The following APBA2 variants were observed in gnomAD, a reference collection of about 807,000 sequenced individuals.
The protein encoded by APBA2 is amyloid-beta A4 precursor protein-binding family A member 2.
Under a neutral mutation model 75.0 loss-of-function variants are expected in APBA2, and 30 were observed. The ratio of observed to expected loss-of-function variants is 0.40; its 90% CI spans 0.30 to 0.54. APBA2 has a LOEUF of 0.54. Ranked by LOEUF, APBA2 falls within the 20% of genes least tolerant of loss-of-function variation. APBA2 has a pLI of 0.49. For synonymous variants in APBA2, 444 were observed against 409.6 expected, an observed-to-expected ratio of 1.08 and a Z score of -1.01; for missense variants, 801 against 1,016.1, an observed-to-expected ratio of 0.79 and a Z score of 2.88.
chr15:29,014,162 T>G (rs945968585), intron 3 of APBA2, among the ~76,000 whole-genome samples: 2 of 152,232 alleles, frequency 1.3e-5, no homozygotes, highest in Non-Finnish European at 2.9e-5. Context: ...GCCTGCTTAT[T>G]GTGCTCATGC....
At chr15:28,964,973 G>A (rs1296487468) in intron 2 of APBA2, among the ~76,000 whole-genome samples, 2 of 151,818 alleles carry the variant, frequency 1.3e-5, no homozygotes, top group African/African-American at 4.8e-5. Context: ...ATTTTGAGGA[G>A]GTCAAAGTTT....
chr15:29,046,601 G>A lies in APBA2; in HGVS notation c.-40-7244G>A, dbSNP rs1374285643. On this transcript the variant is annotated intron_variant, in intron 3 of 14. Transcript: ENST00000683413. This position sits in a 1 kb window ranked among gnomAD's most constrained non-coding sequence, Gnocchi z 5.0. ...GGCAGAGTTTTCAAGTGCAGTCTTTGGACCTCCAACATGAGAACCACCTGC... is the reference window on the plus strand; with the variant it reads ...GGCAGAGTTTTCAAGTGCAGTCTTTAGACCTCCAACATGAGAACCACCTGC... 6.6e-6 allele frequency among the ~76,000 whole-genome samples: 1 copy of A among 152,214 alleles called. No homozygotes were observed. Among genetic ancestry groups the A allele is most frequent in the Non-Finnish European group, 1.5e-5 (1 of 68,038 alleles).
At chr15:29,106,953 CG>C (rs2044446780) in intron 12 of APBA2, 134 bp downstream of exon 12, 1 of 785,908 alleles carries the variant, frequency 1.3e-6, no homozygotes, top group Middle Eastern at 2.4e-4. Flanking sequence ...GAGACCCACC[CG>C]GTGACTGGTC....
chr15:28,996,081 G>A (rs565155916), intron 3 of APBA2, among the ~76,000 whole-genome samples: 16 of 152,180 alleles, frequency 1.1e-4, no homozygotes, highest in Admixed American at 8.5e-4. Context: ...AGCAAGACAC[G>A]CACTCCCCAT....
At chr15:28,904,674 G>A (rs1238007629) in intron 1 of APBA2, among the ~76,000 whole-genome samples, 5 of 152,110 alleles carry the variant, frequency 3.3e-5, no homozygotes, top group Admixed American at 3.3e-4. Flanking sequence ...GGCTCCCCTC[G>A]TTATCTGCAG....
At chr15:28,890,360 C>T (rs997582433) in intron 1 of APBA2, among the ~76,000 whole-genome samples, 2 of 152,236 alleles carry the variant, frequency 1.3e-5, no homozygotes, top group Admixed American at 1.3e-4. Context: ...CTGCCAAAGT[C>T]AGCTCTGTGT....
At chr15:28,943,923 T>A (rs1316352288) in intron 2 of APBA2, among the ~76,000 whole-genome samples, 1 of 152,114 alleles carries the variant, frequency 6.6e-6, no homozygotes, top group Non-Finnish European at 1.5e-5. Context: ...TTGGGGAGGC[T>A]GGGGTGGCCG....
chr15:29,064,269 C>G (rs529513871), intron 4 of APBA2, among the ~76,000 whole-genome samples: 1 of 152,152 alleles, frequency 6.6e-6, no homozygotes, highest in South Asian at 2.1e-4. Flanking sequence ...GTTTCCACCC[C>G]GAATTCACAC....
At chr15:28,930,305 G>A (rs1319181998) in intron 2 of APBA2, among the ~76,000 whole-genome samples, 1 of 151,776 alleles carries the variant, frequency 6.6e-6, no homozygotes, top group Admixed American at 6.6e-5. Flanking sequence ...AGCTCTCCAC[G>A]ATGGGAGCAG....
chr15:29,039,346 C>CG (rs1401446491), intron 3 of APBA2, among the ~76,000 whole-genome samples: 1 of 151,924 alleles, frequency 6.6e-6, no homozygotes, highest in African/African-American at 2.4e-5. Context: ...CCCTTAACAG[C>CG]GTAACTCTCT....
At chr15:29,095,411 C>T (rs1339851168) in intron 8 of APBA2, among the ~76,000 whole-genome samples, 1 of 143,628 alleles carries the variant, frequency 7.0e-6, no homozygotes, top group Admixed American at 7.2e-5. Context: ...GCCTGGGCAA[C>T]ACGAGCGAAA....
chr15:29,090,912 A>G (rs964554172), intron 6 of APBA2, among the ~76,000 whole-genome samples: 2 of 152,150 alleles, frequency 1.3e-5, no homozygotes, highest in African/African-American at 4.8e-5. Flanking sequence ...AGCCTGTGGC[A>G]GCCAGGGCTG....
intron 2 of APBA2, among the ~76,000 whole-genome samples, chr15:28,952,148 C>T (rs1434086677): frequency 2.6e-5 from 4 of 151,972 alleles, no homozygotes; most frequent in African/African-American, 9.7e-5. Flanking sequence ...GGAACCATGA[C>T]CACGTGTCAC....
chr15:29,003,702 G>A (rs533180209), intron 3 of APBA2, among the ~76,000 whole-genome samples: 3 of 152,360 alleles, frequency 2.0e-5, no homozygotes, highest in South Asian at 2.1e-4. Flanking sequence ...CCTGAAGCCC[G>A]CAGGGCAGGC....
At chr15:29,114,114 T>G (rs940247285) in intron 14 of APBA2, 98 bp downstream of exon 14, 118 of 1,555,806 alleles carry the variant, frequency 7.6e-5, no homozygotes, top group Non-Finnish European at 6.2e-6. Context: ...ACAGGGCATC[T>G]GAAGGTCAGC....
intron 2 of APBA2, among the ~76,000 whole-genome samples, chr15:28,934,037 A>T (rs1194543453): frequency 6.6e-6 from 1 of 151,176 alleles, no homozygotes; most frequent in South Asian, 2.1e-4. Context: ...AAAACAAGGC[A>T]TGGAGTGGGC....
At chr15:29,073,759 C>T (rs550557681) in intron 4 of APBA2, among the ~76,000 whole-genome samples, 181 of 152,178 alleles carry the variant, frequency 1.2e-3, no homozygotes, top group Non-Finnish European at 2.0e-3. Context: ...ATGCAGGCTC[C>T]GGAACCTCCT....
At chr15:29,091,411 TGGTC>T in intron 6 of APBA2, among the ~76,000 whole-genome samples, 1 of 152,084 alleles carries the variant, frequency 6.6e-6, no homozygotes, top group East Asian at 1.9e-4. Context: ...GCTCCCCACT[TGGTC>T]TGTCTGAGCA....
At chr15:29,111,970 C>T (rs753379028) in intron 13 of APBA2, among the ~76,000 whole-genome samples, 1 of 152,188 alleles carries the variant, frequency 6.6e-6, no homozygotes, top group South Asian at 2.1e-4. Flanking sequence ...CTGGCCTCTA[C>T]TTTCAGGAGC....
Sources: allele counts gnomAD v4.1 joint callset (sites outside exome capture counted in the v4.1 genomes callset), GRCh38; gene constraint gnomAD v4.1.1; non-coding constraint Gnocchi (gnomAD v3.1); transcripts MANE v1.5; gene names NCBI Gene and HGNC (gene_info 2026-07-23, HGNC 2026-07-21).